ITSN1: variants seen among roughly 807,000 people sequenced by gnomAD.
The protein encoded by ITSN1 is intersectin 1.
A neutral mutation model predicts 239.8 loss-of-function variants in ITSN1; 58 were observed. The ratio of observed to expected loss-of-function variants is 0.24; its 90% CI spans 0.20 to 0.30. ITSN1 has a LOEUF of 0.30. Ranked by LOEUF, ITSN1 falls within the 10% of genes least tolerant of loss-of-function variation. ITSN1 has a pLI of 1.00. For missense variants in ITSN1, 1,558 were observed against 2,103.3 expected, an observed-to-expected ratio of 0.74 and a Z score of 5.07; for synonymous variants, 780 against 770.8, an observed-to-expected ratio of 1.01 and a Z score of -0.20.
rs3835379 is a variant in ITSN1 at position 33,877,825 on chromosome 21, TTGTG to T, written c.4341+2337_4341+2340del. ...GCAAATTTCTTACTTTGTTTCTATT[TTGTG>T]TGTGTGTGTGTGTGTGTGTGTGTGT... On this transcript the variant is annotated intron_variant, in intron 34 of 39. Transcript: ENST00000381318. 5.6e-3 allele frequency among the ~76,000 whole-genome samples: 823 copies of T among 147,308 alleles called. 4 individuals carry two copies. Among genetic ancestry groups the T allele is most frequent in the African/African-American group, 0.015 (578 of 39,776 alleles).
At chr21:33,655,351 G>A (rs1479003594) in intron 1 of ITSN1, among the ~76,000 whole-genome samples, 2 of 152,122 alleles carry the variant, frequency 1.3e-5, no homozygotes, top group Non-Finnish European at 2.9e-5. Flanking sequence ...CATTCACAGT[G>A]TACAGTATTA....
In ITSN1 at chr21:33,811,199, T is replaced by A; in HGVS notation, c.2544T>A (p.Asn848Lys). ...CTTCAGAGCCCTCCACGACCCCTAA[T>A]AACTGGGCCGACTTCAGCTCCACGT... ...VTSSEPSTTP[N>K]NWADFSSTWP... Residue 848 changes from asparagine (N) to lysine (K), a missense_variant, in exon 21 of 40, where the codon AAT (asparagine) becomes AAA (lysine). Coordinates refer to ENST00000381318, the MANE Select transcript of ITSN1 (RefSeq NM_003024.3). The A allele has an allele frequency of 6.3e-7, 1 of 1,590,454 alleles. No homozygotes were observed. Among genetic ancestry groups the A allele is most frequent in the Non-Finnish European group, 8.6e-7 (1 of 1,167,248 alleles).
chr21:33,714,057 CTT>C (rs1270116133), intron 1 of ITSN1, among the ~76,000 whole-genome samples: 2 of 151,808 alleles, frequency 1.3e-5, no homozygotes, highest in Admixed American at 6.6e-5. Context: ...GTCTCCATCT[CTT>C]GACCTCGTGA....
At chr21:33,713,828 CTT>C (rs35226795) in intron 1 of ITSN1, among the ~76,000 whole-genome samples, 4 of 89,380 alleles carry the variant, frequency 4.5e-5, no homozygotes, top group Admixed American at 1.7e-4. Flanking sequence ...CCAGCCTCAT[CTT>C]TTTTTTTTTT....
chr21:33,894,613 T>C lies in ITSN1; in HGVS notation c.*6313T>C, dbSNP rs1159482528. 2 of 152,234 alleles carry C rather than the reference T, an allele frequency of 1.3e-5. No individual in the cohort carries two copies. The highest frequency in any genetic ancestry group is 2.9e-5 in the Non-Finnish European group (2 of 68,034). The allele number at this position is 152,234 out of a possible 1,614,324, so 9.4% of individuals were successfully genotyped here. On this transcript the variant is annotated 3_prime_UTR_variant, in exon 40 of 40. Transcript: ENST00000381318. ...TTAACCAGAAACTAAGGTTTCTTTT[T>C]AGGCAGTGGTAAGAATGCGTATTTT...
chr21:33,878,974 A>C (rs1459669146), intron 34 of ITSN1, among the ~76,000 whole-genome samples: 2 of 152,176 alleles, frequency 1.3e-5, no homozygotes, highest in Non-Finnish European at 2.9e-5. Flanking sequence ...CTGTGGCGAC[A>C]TGTGACAGGA....
rs140463362 is a variant in ITSN1 at position 33,671,544 on chromosome 21, G to A, written c.-33+28831G>A. Among the ~76,000 whole-genome samples, 821 of 152,084 alleles carry A rather than the reference G, an allele frequency of 5.4e-3. 3 individuals are homozygous for A. Among genetic ancestry groups the A allele is most frequent in the South Asian group, 0.023 (109 of 4,820 alleles). ...AGTGCTGGGATTACAGGTGTGAGCC[G>A]CTGTGCCCGGCCTGTTTTGTTTTTT... On this transcript the variant is annotated intron_variant, in intron 1 of 39. Transcript: ENST00000381318.
In ITSN1 at chr21:33,810,967, T is replaced by G. The variant is rs759955024; in HGVS notation, c.2320-8T>G. On this transcript the variant is annotated splice_region_variant and splice_polypyrimidine_tract_variant and intron_variant, in intron 20 of 39. Transcript: ENST00000381318. ...TAGTTCTACTTAAAGCTGTGACTTTTTCCACAGGTGGATGAAAGCCAAACT... is the reference window on the plus strand; with the variant it reads ...TAGTTCTACTTAAAGCTGTGACTTTGTCCACAGGTGGATGAAAGCCAAACT... The G allele has an allele frequency of 1.1e-5, 18 of 1,614,108 alleles. No individual in the cohort carries two copies. Among genetic ancestry groups the G allele is most frequent in the Non-Finnish European group, 1.4e-5 (16 of 1,180,042 alleles).
intron 1 of ITSN1, among the ~76,000 whole-genome samples, chr21:33,654,627 C>T (rs2146179538): frequency 6.6e-6 from 1 of 152,236 alleles, no homozygotes; most frequent in East Asian, 1.9e-4. Flanking sequence ...ACCTGACCAA[C>T]CTGGCCCAAT....
intron 22 of ITSN1, chr21:33,817,650 A>T: frequency 8.2e-7 from 1 of 1,220,614 alleles, no homozygotes; most frequent in Non-Finnish European, 1.0e-6. Context: ...TCCCTAAATT[A>T]TCTGGGGGAG....
At chr21:33,777,282 T>C (rs956382895) in intron 14 of ITSN1, among the ~76,000 whole-genome samples, 7 of 152,228 alleles carry the variant, frequency 4.6e-5, no homozygotes, top group African/African-American at 1.4e-4. Context: ...GTTGAACATA[T>C]TTGTAATGGT....
intron 14 of ITSN1, among the ~76,000 whole-genome samples, chr21:33,778,084 C>T (rs568106300): frequency 3.0e-4 from 46 of 152,262 alleles, no homozygotes; most frequent in African/African-American, 9.9e-4. Flanking sequence ...ACATGGTTGC[C>T]ATTTGAATGT....
chr21:33,877,819 T>G (rs1200420909), intron 34 of ITSN1, among the ~76,000 whole-genome samples: 1 of 146,032 alleles, frequency 6.8e-6, no homozygotes, highest in Non-Finnish European at 1.5e-5. Context: ...TTACTTTGTT[T>G]CTATTTTGTG....
intron 1 of ITSN1, among the ~76,000 whole-genome samples, chr21:33,671,410 C>T (rs944753118): frequency 3.3e-5 from 5 of 151,892 alleles, no homozygotes; most frequent in Non-Finnish European, 7.4e-5. Context: ...CCTCAGCCTC[C>T]GGAGTAGCTG....
chr21:33,728,058 G>A (rs756253968), intron 4 of ITSN1, among the ~76,000 whole-genome samples: 3 of 150,604 alleles, frequency 2.0e-5, no homozygotes, highest in Non-Finnish European at 4.4e-5. Context: ...TCTGTCTCCC[G>A]GGTCTAAGTG....
chr21:33,718,885 T>A lies in ITSN1; in HGVS notation c.28+29T>A, dbSNP rs752551568. The stretch of plus-strand genomic sequence containing the variant: ...AGTTTTCAGAAATTTCTCTTTTTAA[T>A]GTACTTTGGGACCAGATTTTAAAAA... On this transcript the variant is annotated intron_variant, in intron 2 of 39. Coordinates refer to ENST00000381318, the MANE Select transcript of ITSN1 (RefSeq NM_003024.3). 9.4e-6 allele frequency: 15 copies of A among 1,595,318 alleles called. No homozygotes were observed. In the Admixed American group the frequency reaches 2.5e-4, roughly 27 times the overall value.
At chr21:33,651,973 T>A (rs550639390) in intron 1 of ITSN1, among the ~76,000 whole-genome samples, 38 of 152,348 alleles carry the variant, frequency 2.5e-4, no homozygotes, top group Non-Finnish European at 3.4e-4. Flanking sequence ...AAATAACATG[T>A]TTTTTCCTAC....
chr21:33,707,912 G>C (rs2092300172), intron 1 of ITSN1, among the ~76,000 whole-genome samples: 2 of 152,166 alleles, frequency 1.3e-5, no homozygotes, highest in Non-Finnish European at 1.5e-5. Flanking sequence ...CAAATACCTA[G>C]AAGTAGAGTG....
intron 11 of ITSN1, among the ~76,000 whole-genome samples, chr21:33,770,764 AT>A (rs199737103): frequency 2.0e-3 from 269 of 133,566 alleles, no homozygotes; most frequent in Admixed American, 2.1e-3. Flanking sequence ...GGGACTTTGA[AT>A]TTTTTTTTTT....
Sources: gnomAD v4.1 joint callset for allele counts (sites outside exome capture counted in the v4.1 genomes callset) on GRCh38, gnomAD v4.1.1 for gene constraint, MANE v1.5 for transcripts, NCBI Gene and HGNC (gene_info 2026-07-23, HGNC 2026-07-21) for gene names.